Variants in COX18 observed in about 807,000 individuals in gnomAD.
The protein encoded by COX18 is cytochrome c oxidase assembly factor COX18, also known as cytochrome c oxidase assembly protein COX18, mitochondrial.
In COX18, 45 loss-of-function variants were observed where a neutral mutation model predicts 38.0. That is an observed-to-expected ratio of 1.18 (90% CI 0.93 to 1.52). The LOEUF is 1.52. Among genes scored for constraint, COX18 ranks in the 40% most tolerant of loss-of-function variants. The pLI, the probability that COX18 is intolerant of heterozygous loss-of-function variation, is 0.00. For missense variants in COX18, 462 were observed against 423.8 expected (o/e 1.09, Z -0.79); for synonymous variants, 177 against 169.8 (o/e 1.04, Z -0.33).
Position 73,069,655 on chromosome 4 carries a change from C to T in COX18, c.-6G>A, listed in dbSNP as rs1216594034. On this transcript the variant is annotated 5_prime_UTR_variant, in exon 1 of 6. Transcript: ENST00000507544. ...CCGCCGAGCCGGCACAGCATTTCTGCACCACGGCGGAGCCCAGATCCCGGG... is the reference window on the plus strand; with the variant it reads ...CCGCCGAGCCGGCACAGCATTTCTGTACCACGGCGGAGCCCAGATCCCGGG... 6.5e-7 allele frequency: 1 copy of T among 1,545,586 alleles called. No homozygotes were observed. Among genetic ancestry groups the T allele is most frequent in the Non-Finnish European group, 8.7e-7 (1 of 1,150,984 alleles).
At position 73,068,268 on chromosome 4, in the gene COX18, A is replaced by G. The variant is rs1577959525; in HGVS notation, c.334-139T>C. On this transcript the variant is annotated intron_variant, in intron 1 of 5. Transcript: ENST00000507544. Reference sequence around the variant, plus strand: ...TCAAGAAATCTTAATTCTAAGCACAAGATGTTAATTTGCTTAAAATGTCCT... The same window carrying G: ...TCAAGAAATCTTAATTCTAAGCACAGGATGTTAATTTGCTTAAAATGTCCT... The G allele has an allele frequency of 1.4e-5, 8 of 580,558 alleles. No individual in the cohort carries two copies. In the East Asian group the frequency reaches 2.6e-4, roughly 19 times the overall value. The allele number at this position is 580,558 out of a possible 1,614,324, so 36.0% of individuals were successfully genotyped here. A position where few individuals can be genotyped will look rare whatever the true frequency, so the allele number is the denominator to read the frequency against.
chr4:73,059,111 G>C (rs771428209), intron 5 of COX18, among the ~76,000 whole-genome samples: 1 of 152,154 alleles, frequency 6.6e-6, no homozygotes, highest in Non-Finnish European at 1.5e-5. Context: ...GACCAGTACT[G>C]GTCTGTGGCC....
At position 73,053,082 on chromosome 4, in the gene COX18, T is replaced by C. The variant is rs779539217; in HGVS notation, c.*5032A>G. 6.6e-6 allele frequency: 1 copy of C among 151,900 alleles called. No homozygotes were observed. Among genetic ancestry groups the C allele is most frequent in the South Asian group, 2.1e-4 (1 of 4,820 alleles). The allele number at this position is 151,900 out of a possible 1,614,324, so 9.4% of individuals were successfully genotyped here. On this transcript the variant is annotated 3_prime_UTR_variant, in exon 6 of 6. Coordinates refer to ENST00000507544, the MANE Select transcript of COX18 (RefSeq NM_001297732.2). ...GAACAAAACACAGAAGGTACCAAGG[T>C]TTTTTTGGGCACTCATTTTTTCACA...
chr4:73,058,330 A>AT, intron 5 of COX18, 43 bp from the exon 6 acceptor site: 1 of 1,377,534 alleles, frequency 7.3e-7, no homozygotes, highest in Non-Finnish European at 1.0e-6. Flanking sequence ...TAATTCTACA[A>AT]GGACATCACA....
chr4:73,065,264 G>A lies in COX18; in HGVS notation c.584C>T (p.Ala195Val). The change falls in exon 3 of 6, where the codon GCA (alanine) becomes GTA (valine). Residue 195 changes from alanine (A) to valine (V), a missense_variant. Ala to Val is a moderately conservative substitution (Grantham distance 64). Coordinates refer to ENST00000507544, the MANE Select transcript of COX18 (RefSeq NM_001297732.2). ...ACAATAATTACCTTCTGAATGTGCT[G>A]CCCCCGTGCTTAAATTCCGGAGAGC... ...SFALRNLSTG[A>V]AHSEAGFSVQ... 1.9e-6 allele frequency: 3 copies of A among 1,609,950 alleles called. No homozygotes were observed. The highest frequency in any genetic ancestry group is 1.4e-5 in the African/African-American group (1 of 73,714).
At position 73,069,491 on chromosome 4, in the gene COX18, G is replaced by T; in HGVS notation, c.159C>A (p.Gly53=). ...AAGACGCGGCCAGGGCCTCGTACCA[G>T]CCGTTCGCATGTACTGCAGAGACTG... ...VAPVSAVHAN[G]WYEALAASSP... The change falls in exon 1 of 6, where the codon GGC becomes GGA. Residue 53 remains glycine, a synonymous_variant. Coordinates refer to ENST00000507544, the MANE Select transcript of COX18 (RefSeq NM_001297732.2). 1 of 1,593,942 alleles carries T rather than the reference G, an allele frequency of 6.3e-7. No homozygotes were observed. Among genetic ancestry groups the T allele is most frequent in the Non-Finnish European group, 8.5e-7 (1 of 1,171,136 alleles).
At position 73,055,528 on chromosome 4, in the gene COX18, C is replaced by T. The variant is rs930755342; in HGVS notation, c.*2586G>A. On this transcript the variant is annotated 3_prime_UTR_variant, in exon 6 of 6. Coordinates refer to ENST00000507544, the MANE Select transcript of COX18 (RefSeq NM_001297732.2). ...TTATTTTCTCCTAAGCCTTCCTGAG[C>T]TTAGGAACATCAGAAAGCACTCCAG... The T allele has an allele frequency of 7.2e-5, 11 of 152,180 alleles. No individual in the cohort carries two copies. The highest frequency in any genetic ancestry group is 2.7e-4 in the African/African-American group (11 of 41,432). The allele number at this position is 152,180 out of a possible 1,614,324, so 9.4% of individuals were successfully genotyped here. A position where few individuals can be genotyped will look rare whatever the true frequency, so the allele number is the denominator to read the frequency against.
At chr4:73,064,166 T>A (rs1040397743) in intron 4 of COX18, among the ~76,000 whole-genome samples, 9 of 151,542 alleles carry the variant, frequency 5.9e-5, no homozygotes, top group African/African-American at 2.2e-4. Context: ...GCGCCTATAA[T>A]CCCAGCTACT....
chr4:73,057,108 G>C lies in COX18; in HGVS notation c.*1006C>G, dbSNP rs1719933168. 6.7e-6 allele frequency: 1 copy of C among 149,172 alleles called. No individual in the cohort carries two copies. The allele number at this position is 149,172 out of a possible 1,614,324, so 9.2% of individuals were successfully genotyped here. On this transcript the variant is annotated 3_prime_UTR_variant, in exon 6 of 6. Coordinates refer to ENST00000507544, the MANE Select transcript of COX18 (RefSeq NM_001297732.2). Reference sequence around the variant, plus strand: ...TGCACTCCAGCCTAGGTGACAGAGAGAGACTCTGTCTCATTAAAAAAATTA... The same window carrying C: ...TGCACTCCAGCCTAGGTGACAGAGACAGACTCTGTCTCATTAAAAAAATTA...
chr4:73,058,449 GA>G (rs1033693425), intron 5 of COX18, among the ~76,000 whole-genome samples, 162 bp from the exon 6 acceptor site: 1 of 151,962 alleles, frequency 6.6e-6, no homozygotes, highest in African/African-American at 2.4e-5. Context: ...AATAGACAGG[GA>G]AAAAAGGTTA....
At position 73,054,007 on chromosome 4, in the gene COX18, C is replaced by T. The variant is rs1479457087; in HGVS notation, c.*4107G>A. On this transcript the variant is annotated 3_prime_UTR_variant, in exon 6 of 6. Coordinates refer to ENST00000507544, the MANE Select transcript of COX18 (RefSeq NM_001297732.2). ...TTGAAATGAGAAGCATTCATTAAGA[C>T]AGTGAATCTGGCCTAGAGACAAAAA... is the stretch of plus-strand genomic sequence containing the variant. 2 of 152,192 alleles carry T rather than the reference C, an allele frequency of 1.3e-5. No homozygotes were observed. The highest frequency in any genetic ancestry group is 4.8e-5 in the African/African-American group (2 of 41,428). 9.4% of individuals were successfully genotyped at this position (152,192 alleles called of 1,614,324 possible).
At position 73,052,650 on chromosome 4, in the gene COX18, A is replaced by G. The variant is rs1322868015; in HGVS notation, c.*5464T>C. On this transcript the variant is annotated 3_prime_UTR_variant, in exon 6 of 6. Coordinates refer to ENST00000507544, the MANE Select transcript of COX18 (RefSeq NM_001297732.2). ...AATCTATAAATTCATATAATTTCCA[A>G]TTATCTGGGTTCTGCTTGAACCAGC... is the stretch of plus-strand genomic sequence containing the variant. 1 of 152,302 alleles carries G rather than the reference A, an allele frequency of 6.6e-6. No homozygotes were observed. The highest frequency in any genetic ancestry group is 1.9e-4 in the East Asian group (1 of 5,184). 9.4% of individuals were successfully genotyped at this position (152,302 alleles called of 1,614,324 possible). A position where few individuals can be genotyped will look rare whatever the true frequency, so the allele number is the denominator to read the frequency against.
At chr4:73,061,168 T>C (rs1278175367) in intron 5 of COX18, among the ~76,000 whole-genome samples, 3 of 152,196 alleles carry the variant, frequency 2.0e-5, no homozygotes, top group East Asian at 1.9e-4. Flanking sequence ...AATAATACCA[T>C]ACACAAACCC....
At chr4:73,062,557 G>A (rs747255487) in intron 4 of COX18, among the ~76,000 whole-genome samples, 1 of 152,012 alleles carries the variant, frequency 6.6e-6, no homozygotes, top group African/African-American at 2.4e-5. Flanking sequence ...AGAATTCTGC[G>A]TAAGGCTGGG....
At chr4:73,059,695 T>C (rs1261744254) in intron 5 of COX18, among the ~76,000 whole-genome samples, 2 of 152,178 alleles carry the variant, frequency 1.3e-5, no homozygotes, top group Admixed American at 6.5e-5. Flanking sequence ...GTTGGGACAA[T>C]TACATGGGGT....
chr4:73,062,001 TTTTCAC>T (rs1720193812), intron 4 of COX18, 81 bp from the exon 5 acceptor site: 1 of 584,952 alleles, frequency 1.7e-6, no homozygotes, highest in Non-Finnish European at 2.9e-6. Context: ...ATAAACTGAT[TTTTCAC>T]TGGCCTCCAT....
Position 73,069,688 on chromosome 4 carries a change from A to G in COX18, c.-39T>C. Reference sequence around the variant, plus strand: ...CGGAGCCCAGATCCCGGGCCTCACAATCCAGCGGACATACACCGGCCAGCC... The same window carrying G: ...CGGAGCCCAGATCCCGGGCCTCACAGTCCAGCGGACATACACCGGCCAGCC... On this transcript the variant is annotated 5_prime_UTR_variant, in exon 1 of 6. Transcript: ENST00000507544. 2 of 1,528,028 alleles carry G rather than the reference A, an allele frequency of 1.3e-6. No individual in the cohort carries two copies. The highest frequency in any genetic ancestry group is 1.4e-5 in the African/African-American group (1 of 73,092). The allele number at this position is 1,528,028 out of a possible 1,614,324, so 94.7% of individuals were successfully genotyped here.
intron 2 of COX18, among the ~76,000 whole-genome samples, chr4:73,066,960 T>C (rs1038381377): frequency 1.4e-4 from 22 of 152,194 alleles, no homozygotes; most frequent in African/African-American, 4.8e-4. Flanking sequence ...CCTTTTTCCA[T>C]TGCTGTAAAA....
rs1720393713 is a variant in COX18, at chr4:73,065,355, A to C, written c.493T>G (p.Cys165Gly). The stretch of plus-strand genomic sequence containing the variant: ...AACACAGTGGCTTTGAAAGGGTGGC[A>C]GTTATCTCGCACATATAGCTCTGAA... ...LISELYVRDN[C>G]HPFKATVLVW... Residue 165 changes from cysteine to glycine, a missense_variant, in exon 3 of 6, where the codon TGC (cysteine) becomes GGC (glycine). Physicochemically the swap from Cys to Gly is radical, Grantham distance 159. Coordinates refer to ENST00000507544, the MANE Select transcript of COX18 (RefSeq NM_001297732.2). 2 of 1,613,842 alleles carry C rather than the reference A, an allele frequency of 1.2e-6. No homozygotes were observed.
Sources: gnomAD v4.1 joint callset for allele counts (sites outside exome capture counted in the v4.1 genomes callset) on GRCh38, gnomAD v4.1.1 for gene constraint, MANE v1.5 for transcripts, NCBI Gene and HGNC (gene_info 2026-07-23, HGNC 2026-07-21) for gene names.